The following HYDIN variants were observed in gnomAD, a reference collection of about 807,000 sequenced individuals.
The protein encoded by HYDIN is axonemal central pair apparatus protein HYDIN.
Under a neutral mutation model 403.9 loss-of-function variants are expected in HYDIN, and 132 were observed. The observed-to-expected ratio is 0.33, with a 90% CI of 0.28 to 0.38. HYDIN has a LOEUF of 0.38. HYDIN is among the 10% of genes least tolerant of loss of function. The pLI, the probability that HYDIN is intolerant of heterozygous loss-of-function variation, is 1.00. For missense variants in HYDIN, 2,827 were observed against 5,009.5 expected, an observed-to-expected ratio of 0.56 and a Z score of 13.15; for synonymous variants, 1,202 against 1,891.7, an observed-to-expected ratio of 0.64 and a Z score of 9.46.
chr16:71,093,682 G>A (rs1398401), intron 11 of HYDIN, 135 bp downstream of exon 11: 263,977 of 671,734 alleles, frequency 0.39, 58,827 homozygotes, highest in African/African-American at 0.71. Context: ...GAGCACTCCA[G>A]GGTCTCAACA....
At chr16:70,920,500 G>C (rs1408946091) in intron 46 of HYDIN, 91 bp downstream of exon 46, 2 of 847,098 alleles carry the variant, frequency 2.4e-6, no homozygotes, top group African/African-American at 1.7e-5. Context: ...AGGGGATATG[G>C]GTTTCAGGTA....
chr16:71,162,872 G>T (rs906588299), intron 5 of HYDIN, 142 bp from the exon 6 acceptor site: 69 of 593,602 alleles, frequency 1.2e-4, no homozygotes, highest in Non-Finnish European at 2.0e-4. Flanking sequence ...AATTACAGAA[G>T]TACTTTCAAA....
At chr16:70,897,955 G>C (rs1042950331) in intron 53 of HYDIN, among the ~76,000 whole-genome samples, 1 of 151,216 alleles carries the variant, frequency 6.6e-6, no homozygotes, top group Non-Finnish European at 1.5e-5. Context: ...GATCGCTTGA[G>C]CTCAGGAGTT....
intron 4 of HYDIN, among the ~76,000 whole-genome samples, 182 bp downstream of exon 4, chr16:71,178,746 A>G (rs899816873): frequency 1.4e-4 from 22 of 152,186 alleles, no homozygotes; most frequent in African/African-American, 3.1e-4. Flanking sequence ...GACTCAACAT[A>G]TAGCAACAAA....
intron 69 of HYDIN, among the ~76,000 whole-genome samples, chr16:70,861,302 A>G (rs1160950385): frequency 4.6e-5 from 7 of 151,770 alleles, no homozygotes; most frequent in African/African-American, 1.4e-4. Flanking sequence ...CAGCTCCAGG[A>G]CCAAGCTGAG....
chr16:71,157,911 G>A (rs2144592574), intron 6 of HYDIN, among the ~76,000 whole-genome samples: 1 of 146,502 alleles, frequency 6.8e-6, no homozygotes, highest in Admixed American at 6.9e-5. Context: ...CCTGGCAGAA[G>A]TTAGAACCGT....
At position 70,805,381 on chromosome 16, in the gene HYDIN, G is replaced by A. The variant is rs553061879; in HGVS notation, c.*2199C>T. 2.6e-5 allele frequency among the ~76,000 whole-genome samples: 4 copies of A among 152,342 alleles called. No individual in the cohort carries two copies. The highest frequency in any genetic ancestry group is 2.6e-4 in the Admixed American group (4 of 15,306). ...TAACAAATTCCCAGGTGATGCTGAT[G>A]CTGCAGGTCCATAGGCCACTCCGAA... On this transcript the variant is annotated 3_prime_UTR_variant, in exon 86 of 86. Coordinates refer to ENST00000393567, the MANE Select transcript of HYDIN (RefSeq NM_001270974.2).
At chr16:71,009,362 A>G (rs1436902970) in intron 23 of HYDIN, among the ~76,000 whole-genome samples, 2 of 146,810 alleles carry the variant, frequency 1.4e-5, no homozygotes, top group Non-Finnish European at 3.0e-5. Context: ...AGATGCATGA[A>G]CCAACAAATT....
chr16:71,230,509 A>G, intron 1 of HYDIN, 53 bp downstream of exon 1: 1 of 1,477,620 alleles, frequency 6.8e-7, no homozygotes, highest in Non-Finnish European at 9.0e-7. Context: ...CGCCCCGGTT[A>G]GCCCCCATGT....
At chr16:71,157,512 A>C (rs2085821784) in intron 6 of HYDIN, among the ~76,000 whole-genome samples, 1 of 150,060 alleles carries the variant, frequency 6.7e-6, no homozygotes, top group Non-Finnish European at 1.5e-5. Flanking sequence ...ATATGATGTG[A>C]CCACAAATTC....
intron 84 of HYDIN, among the ~76,000 whole-genome samples, chr16:70,810,892 ATATTT>A (rs1423433430): frequency 4.6e-5 from 7 of 152,122 alleles, no homozygotes; most frequent in Admixed American, 4.6e-4. Flanking sequence ...GATGTTGATG[ATATTT>A]TAAGTGGAAG....
intron 11 of HYDIN, chr16:71,090,165 C>T (rs1193450583): frequency 1.7e-5 from 2 of 119,734 alleles, no homozygotes; most frequent in Non-Finnish European, 3.2e-5. Flanking sequence ...GTTTCTTTCG[C>T]ATCTCCCTCA....
At chr16:71,174,650 C>G (rs2047987499) in intron 5 of HYDIN, among the ~76,000 whole-genome samples, 1 of 152,148 alleles carries the variant, frequency 6.6e-6, no homozygotes, top group South Asian at 2.1e-4. Context: ...AGCCTCCACC[C>G]TCAGGCCCCC....
intron 12 of HYDIN, among the ~76,000 whole-genome samples, chr16:71,085,537 T>C (rs1229586292): frequency 6.6e-6 from 1 of 151,874 alleles, no homozygotes; most frequent in Non-Finnish European, 1.5e-5. Context: ...CTTAGTTTTT[T>C]ATTATTGAAA....
intron 11 of HYDIN, among the ~76,000 whole-genome samples, chr16:71,090,705 G>A (rs62040321): frequency 0.026 from 3,898 of 151,812 alleles, 70 homozygotes; most frequent in Non-Finnish European, 0.04. Context: ...GGGTCTTTCT[G>A]TATTGCCCAG....
intron 18 of HYDIN, among the ~76,000 whole-genome samples, chr16:71,042,727 C>T (rs976696601): frequency 2.0e-5 from 3 of 152,330 alleles, no homozygotes; most frequent in Middle Eastern, 3.4e-3. Flanking sequence ...ACCAAAGAGG[C>T]AAATTGCCTC....
intron 8 of HYDIN, among the ~76,000 whole-genome samples, chr16:71,130,808 CT>C (rs1179647494): frequency 7.7e-6 from 1 of 129,892 alleles, no homozygotes; most frequent in Non-Finnish European, 1.5e-5. Context: ...TTTTCTCCCC[CT>C]GTCAACCATA....
At chr16:71,029,730 C>G (rs1165042773) in intron 19 of HYDIN, among the ~76,000 whole-genome samples, 2 of 149,304 alleles carry the variant, frequency 1.3e-5, no homozygotes, top group African/African-American at 2.5e-5. Flanking sequence ...TTGCTTTTTA[C>G]TTAATTTTCT....
intron 23 of HYDIN, among the ~76,000 whole-genome samples, chr16:70,994,266 C>G (rs139781780): frequency 7.3e-6 from 1 of 136,558 alleles, no homozygotes; most frequent in Non-Finnish European, 1.6e-5. Flanking sequence ...TGGATGGATG[C>G]ATGGATGGAT....
Sources: gnomAD v4.1 joint callset for allele counts (sites outside exome capture counted in the v4.1 genomes callset) on GRCh38, gnomAD v4.1.1 for gene constraint, MANE v1.5 for transcripts, NCBI Gene and HGNC (gene_info 2026-07-23, HGNC 2026-07-21) for gene names.